RSPH4A: variants seen among roughly 807,000 people sequenced by gnomAD.
RSPH4A encodes the protein radial spoke head component 4A.
In RSPH4A, 47 loss-of-function variants were observed where a neutral mutation model predicts 71.0. The ratio of observed to expected loss-of-function variants is 0.66; its 90% CI spans 0.52 to 0.84. RSPH4A has a LOEUF of 0.84. Among genes scored for constraint, RSPH4A ranks in the 40% least tolerant of loss-of-function variants. The pLI is 0.00. For missense variants in RSPH4A, 793 were observed against 855.2 expected (o/e 0.93, Z 0.91); for synonymous variants, 282 against 302.3 (o/e 0.93, Z 0.70).
At chr6:116,629,923 CA>C (rs1450096073) in intron 4 of RSPH4A, among the ~76,000 whole-genome samples, 3 of 152,180 alleles carry the variant, frequency 2.0e-5, no homozygotes, top group African/African-American at 7.2e-5. Flanking sequence ...AGACAGGAAA[CA>C]TAAGTTGGCT....
At chr6:116,618,768 G>A (rs986906363) in intron 1 of RSPH4A, among the ~76,000 whole-genome samples, 5 of 152,194 alleles carry the variant, frequency 3.3e-5, no homozygotes, top group African/African-American at 1.2e-4. Context: ...GCACCAACTA[G>A]GTGTCCTCCA....
Position 116,622,946 on chromosome 6 carries a change from GCT to G in RSPH4A, c.868_869del (p.Leu290PhefsTer10). 1 of 1,613,802 alleles carries G rather than the reference GCT, an allele frequency of 6.2e-7. No homozygotes were observed. Among genetic ancestry groups the G allele is most frequent in the African/African-American group, 1.3e-5 (1 of 75,008 alleles). On this transcript the variant is annotated frameshift_variant, in exon 2 of 6. Transcript: ENST00000229554. LOFTEE classifies it high-confidence loss of function. Reference protein sequence around the residue: ...PTYEIAEKQKALFLQGHLEGV... With the variant: ...PTYEIAEKQKXLFLQGHLEGV... ...ATATGAAATAGCAGAAAAGCAAAAG[GCT>G]CTTTTTCTCCAGGGACATTTGGAAG...
chr6:116,631,797 T>G (rs1668252387), intron 5 of RSPH4A, among the ~76,000 whole-genome samples: 1 of 152,204 alleles, frequency 6.6e-6, no homozygotes, highest in African/African-American at 2.4e-5. Context: ...TAAAAAAAAG[T>G]AACACATAGG....
chr6:116,630,671 T>TG (rs2115366100), intron 5 of RSPH4A, 119 bp downstream of exon 5: 1 of 449,534 alleles, frequency 2.2e-6, no homozygotes, highest in Non-Finnish European at 3.9e-6. Flanking sequence ...TTTCGTGTTT[T>TG]TTTTTTTTTT....
intron 5 of RSPH4A, 101 bp downstream of exon 5, chr6:116,630,653 G>GTT (rs141068999): frequency 1.5e-4 from 58 of 389,392 alleles, no homozygotes; most frequent in African/African-American, 4.9e-4. Context: ...TGTTTCTTTG[G>GTT]TTTTTTTTTT....
chr6:116,632,588 A>AT lies in RSPH4A; in HGVS notation c.*147_*148insT, dbSNP rs1394453402. The AT allele has an allele frequency of 1.9e-6, 2 of 1,074,382 alleles. No homozygotes were observed. The highest frequency in any genetic ancestry group is 2.6e-6 in the Non-Finnish European group (2 of 763,852). 66.6% of individuals were successfully genotyped at this position (1,074,382 alleles called of 1,614,324 possible). Reference sequence around the variant, plus strand: ...CTGCAAAATCTCAATCTTGAAAATCAAGCTTGAAATTTCATAGGTAGAAAT... The same window carrying AT: ...CTGCAAAATCTCAATCTTGAAAATCATAGCTTGAAATTTCATAGGTAGAAAT... On this transcript the variant is annotated 3_prime_UTR_variant, in exon 6 of 6. Transcript: ENST00000229554.
chr6:116,618,616 C>T (rs1438286896), intron 1 of RSPH4A, among the ~76,000 whole-genome samples: 2 of 152,176 alleles, frequency 1.3e-5, no homozygotes, highest in Non-Finnish European at 1.5e-5. Context: ...TGGGTTCAAG[C>T]GATTCTCCTA....
rs1265172883 is a variant in RSPH4A at position 116,622,954 on chromosome 6, T to C, written c.873T>C (p.Phe291=). ...TAGCAGAAAAGCAAAAGGCTCTTTT[T>C]CTCCAGGGACATTTGGAAGGAGTTG... The part of the protein sequence containing the change: ...YEIAEKQKAL[F]LQGHLEGVDQ... Residue 291 remains phenylalanine (F), a synonymous_variant, in exon 2 of 6, where the codon TTT becomes TTC. Coordinates refer to ENST00000229554, the MANE Select transcript of RSPH4A (RefSeq NM_001010892.3). 6.2e-7 allele frequency: 1 copy of C among 1,613,774 alleles called. No individual in the cohort carries two copies. The highest frequency in any genetic ancestry group is 2.2e-5 in the East Asian group (1 of 44,850).
rs1409190354 is a variant in RSPH4A, at chr6:116,632,710, G to A, written c.*269G>A. ...CTGAGGGTTATGGATAATGGAATAT[G>A]TGTTTGTACATTCCTGTTTTTAAAA... On this transcript the variant is annotated 3_prime_UTR_variant, in exon 6 of 6. Transcript: ENST00000229554. 5.1e-6 allele frequency: 2 copies of A among 393,430 alleles called. No individual in the cohort carries two copies. Among genetic ancestry groups the A allele is most frequent in the Non-Finnish European group, 9.4e-6 (2 of 212,412 alleles). The allele number at this position is 393,430 out of a possible 1,614,324, so 24.4% of individuals were successfully genotyped here. A position where few individuals can be genotyped will look rare whatever the true frequency, so the allele number is the denominator to read the frequency against.
Position 116,632,282 on chromosome 6 carries a change from A to C in RSPH4A, c.1992A>C (p.Pro664=). ...PDNYTPPVPP[P]VYQEYPSGPE... is the part of the protein sequence containing the mutation. ...ATTATACACCCCCAGTTCCACCACC[A>C]GTTTATCAAGAATACCCCAGTGGAC... is the stretch of plus-strand genomic sequence containing the variant. The change falls in exon 6 of 6, where the codon CCA becomes CCC. Residue 664 remains proline (P), a synonymous_variant. Transcript: ENST00000229554. The C allele has an allele frequency of 1.9e-6, 3 of 1,613,050 alleles. No homozygotes were observed. The highest frequency in any genetic ancestry group is 4.5e-5 in the East Asian group (2 of 44,864).
chr6:116,628,013 G>T lies in RSPH4A; in HGVS notation c.1306G>T (p.Glu436Ter). ...CAAATATGTCTATTTTGTTTGCAAT[G>T]AACCAGGAAGACCATGGGTGAAGTT... ...ANKYVYFVCNEPGRPWVKLPP... is the reference protein window; with the variant it reads ...ANKYVYFVCN Residue 436 changes from glutamate (E) to a stop codon, truncating the protein, a stop_gained, in exon 3 of 6, where the codon GAA becomes TAA. Transcript: ENST00000229554. LOFTEE classifies it high-confidence loss of function. 6.2e-7 allele frequency: 1 copy of T among 1,614,182 alleles called. No homozygotes were observed. Among genetic ancestry groups the T allele is most frequent in the Non-Finnish European group, 8.5e-7 (1 of 1,180,008 alleles).
chr6:116,627,242 C>T (rs937190392), intron 2 of RSPH4A, among the ~76,000 whole-genome samples: 3 of 152,130 alleles, frequency 2.0e-5, no homozygotes, highest in African/African-American at 7.2e-5. Flanking sequence ...TTGCTCTTTT[C>T]CCTAGGCTGG....
At chr6:116,627,514 A>T in intron 2 of RSPH4A, 115 bp from the exon 3 acceptor site, 1 of 921,946 alleles carries the variant, frequency 1.1e-6, no homozygotes, top group Non-Finnish European at 1.8e-6. Context: ...CTAAATCTTG[A>T]GAGAAATGTC....
chr6:116,630,365 A>G, intron 4 of RSPH4A, 70 bp from the exon 5 acceptor site: 1 of 835,612 alleles, frequency 1.2e-6, no homozygotes, highest in Non-Finnish European at 2.1e-6. Flanking sequence ...GTGTATTTAT[A>G]AAAATAGCTT....
chr6:116,625,389 A>G (rs956341989), intron 2 of RSPH4A, among the ~76,000 whole-genome samples: 2 of 152,200 alleles, frequency 1.3e-5, no homozygotes, highest in Non-Finnish European at 2.9e-5. Context: ...TGGGTTTGAG[A>G]GAGTGATGGA....
chr6:116,624,130 G>A (rs144626678), intron 2 of RSPH4A, among the ~76,000 whole-genome samples: 19 of 152,324 alleles, frequency 1.2e-4, no homozygotes, highest in African/African-American at 4.6e-4. Flanking sequence ...CACTCTGTCA[G>A]GGAAAAGATA....
At position 116,616,668 on chromosome 6, in the gene RSPH4A, A is replaced by G; in HGVS notation, c.45A>G (p.Glu15=). Reference sequence around the variant, plus strand: ...CGAAGCAAGAAAAAGAAAACCAAGAAGAACTAGGGGAAACAAGGCGGCCAT... The same window carrying G: ...CGAAGCAAGAAAAAGAAAACCAAGAGGAACTAGGGGAAACAAGGCGGCCAT... ...TSPKQEKENQ[E]ELGETRRPWE... The change falls in exon 1 of 6, where the codon GAA becomes GAG. Residue 15 remains glutamate, a synonymous_variant. Transcript: ENST00000229554. 1.2e-6 allele frequency: 2 copies of G among 1,614,148 alleles called. No homozygotes were observed. The highest frequency in any genetic ancestry group is 1.7e-6 in the Non-Finnish European group (2 of 1,180,018).
chr6:116,629,675 C>T lies in RSPH4A; in HGVS notation c.1771C>T (p.Leu591Phe), dbSNP rs1562392449. The change falls in exon 4 of 6, where the codon CTT becomes TTT. Residue 591 changes from leucine (L) to phenylalanine (F), a missense_variant. By Grantham distance (22) the Leu-to-Phe change is conservative. Coordinates refer to ENST00000229554, the MANE Select transcript of RSPH4A (RefSeq NM_001010892.3). ...DYIEQEVGLP[L>F]LTPISEDLEI... ...CATAGAACAGGAAGTGGGGCTTCCT[C>T]TTTTGACACCAATCTCTGAAGATTT... is the stretch of plus-strand genomic sequence containing the variant. 2.5e-6 allele frequency: 4 copies of T among 1,612,218 alleles called. No homozygotes were observed. Among genetic ancestry groups the T allele is most frequent in the Non-Finnish European group, 3.4e-6 (4 of 1,178,452 alleles).
In RSPH4A at chr6:116,616,535, G is replaced by T; in HGVS notation, c.-89G>T. 8.5e-7 allele frequency: 1 copy of T among 1,174,376 alleles called. No individual in the cohort carries two copies. Among genetic ancestry groups the T allele is most frequent in the Admixed American group, 2.0e-5 (1 of 50,536 alleles). 72.7% of individuals were successfully genotyped at this position (1,174,376 alleles called of 1,614,324 possible). ...ACCAGGACCCAGAAATCGCTTAAGAGACCGCGGCAAAGTAACTTAACTGAG... is the reference window on the plus strand; with the variant it reads ...ACCAGGACCCAGAAATCGCTTAAGATACCGCGGCAAAGTAACTTAACTGAG... On this transcript the variant is annotated 5_prime_UTR_variant, in exon 1 of 6. Coordinates refer to ENST00000229554, the MANE Select transcript of RSPH4A (RefSeq NM_001010892.3).
Sources: allele counts gnomAD v4.1 joint callset (sites outside exome capture counted in the v4.1 genomes callset), GRCh38; gene constraint gnomAD v4.1.1; transcripts MANE v1.5; gene names NCBI Gene and HGNC (gene_info 2026-07-23, HGNC 2026-07-21).